The following PHACTR1 variants were observed in gnomAD, a reference collection of about 807,000 sequenced individuals.
PHACTR1 encodes the protein phosphatase and actin regulator 1, also known as RPEL repeat containing 1.
Under a neutral mutation model 69.2 loss-of-function variants are expected in PHACTR1, and 16 were observed. The observed-to-expected ratio is 0.23, with a 90% CI of 0.16 to 0.35. The LOEUF (loss-of-function observed/expected upper bound fraction) is 0.35. Ranked by LOEUF, PHACTR1 falls within the 10% of genes least tolerant of loss-of-function variation. PHACTR1 has a pLI of 1.00. For synonymous variants in PHACTR1, 312 were observed against 284.5 expected, an observed-to-expected ratio of 1.10 and a Z score of -0.97; for missense variants, 510 against 734.7, an observed-to-expected ratio of 0.69 and a Z score of 3.54.
At chr6:13,158,550 G>T (rs575009073) in intron 5 of PHACTR1, among the ~76,000 whole-genome samples, 1 of 152,326 alleles carries the variant, frequency 6.6e-6, no homozygotes, top group East Asian at 1.9e-4. Flanking sequence ...CAGAGAGGGA[G>T]CTAGAACGTA....
chr6:12,774,975 A>G (rs1370172755), intron 4 of PHACTR1, among the ~76,000 whole-genome samples: 1 of 152,120 alleles, frequency 6.6e-6, no homozygotes, highest in Non-Finnish European at 1.5e-5. Flanking sequence ...GAAACATTTT[A>G]TTTTCTTTCC....
intron 4 of PHACTR1, among the ~76,000 whole-genome samples, chr6:12,903,909 A>G (rs1294955631): frequency 1.3e-5 from 2 of 152,168 alleles, no homozygotes; most frequent in African/African-American, 4.8e-5. Context: ...TGATAATGCC[A>G]TATGTTTTAT....
chr6:13,246,640 A>G lies in PHACTR1; in HGVS notation c.1391+16447A>G, dbSNP rs143946633. Among the ~76,000 whole-genome samples the G allele has an allele frequency of 1.1e-4, 16 of 152,292 alleles. No homozygotes were observed. The East Asian group carries it at 2.9e-3, about 28-fold the overall frequency. ...TTCCAGTCTATAATTTCCATTGCAT[A>G]TAGTGCTCTTTCTCCCTCACCCACC... On this transcript the variant is annotated intron_variant, in intron 10 of 14. Transcript: ENST00000332995. The surrounding 1 kb of genome is among the most constrained non-coding windows in gnomAD (Gnocchi z 4.2).
chr6:12,959,376 TTTCTC>T (rs1792389187), intron 4 of PHACTR1, among the ~76,000 whole-genome samples: 3 of 152,098 alleles, frequency 2.0e-5, no homozygotes, highest in Non-Finnish European at 2.9e-5. Flanking sequence ...TTTTTAGTCT[TTTCTC>T]TACTGTGGCC....
At chr6:13,272,541 A>G (rs907340246) in intron 10 of PHACTR1, 2 of 519,960 alleles carry the variant, frequency 3.8e-6, no homozygotes, top group African/African-American at 3.9e-5. Flanking sequence ...AAGGAAAGAA[A>G]AGGACTTCTG....
At chr6:12,764,822 C>T (rs751865171) in intron 4 of PHACTR1, among the ~76,000 whole-genome samples, 4 of 151,578 alleles carry the variant, frequency 2.6e-5, no homozygotes, top group Non-Finnish European at 5.9e-5. Flanking sequence ...GTCTAGAGGT[C>T]ATGGATACAT....
At chr6:12,723,532 T>C (rs984606241) in intron 3 of PHACTR1, among the ~76,000 whole-genome samples, 1 of 148,500 alleles carries the variant, frequency 6.7e-6, no homozygotes, top group African/African-American at 2.5e-5. Flanking sequence ...TCTGGCTCTG[T>C]CATCTCAGGC....
At position 13,177,721 on chromosome 6, in the gene PHACTR1, A is replaced by G. The variant is rs141917308; in HGVS notation, c.497-4798A>G. 5.9e-5 allele frequency among the ~76,000 whole-genome samples: 9 copies of G among 152,340 alleles called. No homozygotes were observed. In the East Asian group the frequency reaches 1.7e-3, roughly 29 times the overall value. On this transcript the variant is annotated intron_variant, in intron 6 of 14. Coordinates refer to ENST00000332995, the MANE Select transcript of PHACTR1 (RefSeq NM_030948.6). ...CAAACCATTTTTTTAAGCCACTTGG[A>G]CAAGGTCCATTTGAGGTGTTTGCCT...
chr6:13,175,374 C>A (rs1459985148), intron 6 of PHACTR1, among the ~76,000 whole-genome samples: 2 of 152,148 alleles, frequency 1.3e-5, no homozygotes, highest in African/African-American at 4.8e-5. Context: ...AGGCATCATC[C>A]AACACAGTCC....
chr6:12,900,027 C>A (rs961748876), intron 4 of PHACTR1, among the ~76,000 whole-genome samples: 13 of 152,140 alleles, frequency 8.5e-5, no homozygotes, highest in African/African-American at 3.1e-4. Flanking sequence ...GTGGACCCTC[C>A]CTGAAGCACA....
intron 3 of PHACTR1, among the ~76,000 whole-genome samples, chr6:12,742,775 G>T (rs1561839432): frequency 6.6e-6 from 1 of 152,074 alleles, no homozygotes. Flanking sequence ...AGGGTCTCTG[G>T]TACTCAGGGT....
At chr6:12,822,537 G>C (rs1284379936) in intron 4 of PHACTR1, among the ~76,000 whole-genome samples, 2 of 152,170 alleles carry the variant, frequency 1.3e-5, no homozygotes, top group African/African-American at 4.8e-5. Flanking sequence ...ACCACAGCCG[G>C]GTCCTAAAAG....
intron 5 of PHACTR1, among the ~76,000 whole-genome samples, chr6:13,070,503 C>T (rs1809342615): frequency 6.6e-6 from 1 of 152,018 alleles, no homozygotes; most frequent in Admixed American, 6.6e-5. Context: ...GTAACTTGCC[C>T]AGGGTCACAG....
At chr6:12,781,246 G>A (rs941783736) in intron 4 of PHACTR1, among the ~76,000 whole-genome samples, 1 of 152,164 alleles carries the variant, frequency 6.6e-6, no homozygotes, top group Admixed American at 6.5e-5. Flanking sequence ...CTGGATCTGG[G>A]ATGATTCTGG....
intron 3 of PHACTR1, among the ~76,000 whole-genome samples, chr6:12,725,422 G>A (rs1374063308): frequency 2.6e-5 from 4 of 152,196 alleles, no homozygotes; most frequent in Non-Finnish European, 5.9e-5. Flanking sequence ...CCTCCCCTGT[G>A]AAGCTTTGCT....
intron 4 of PHACTR1, among the ~76,000 whole-genome samples, chr6:12,932,934 C>CTTT (rs35209150): frequency 4.0e-5 from 5 of 124,148 alleles, no homozygotes; most frequent in Admixed American, 8.3e-5. Flanking sequence ...TATTCCAAAT[C>CTTT]TTTTTTTTTT....
Position 13,007,550 on chromosome 6 carries a change from C to T in PHACTR1, c.251-45815C>T, listed in dbSNP as rs75079783. Among the ~76,000 whole-genome samples the T allele has an allele frequency of 7.4e-3, 1,118 of 152,048 alleles. 16 individuals carry two copies. The highest frequency in any genetic ancestry group is 0.026 in the African/African-American group (1,086 of 41,492). ...ATTAGCGATACAGGCTTTAGAAATG[C>T]TTAATGTTACAAGACTTTGCAGAAA... is the stretch of plus-strand genomic sequence containing the variant. On this transcript the variant is annotated intron_variant, in intron 4 of 14. Coordinates refer to ENST00000332995, the MANE Select transcript of PHACTR1 (RefSeq NM_030948.6).
At chr6:13,011,473 G>T (rs1460545708) in intron 4 of PHACTR1, among the ~76,000 whole-genome samples, 1 of 152,170 alleles carries the variant, frequency 6.6e-6, no homozygotes, top group African/African-American at 2.4e-5. Flanking sequence ...TGAACAAAGG[G>T]CCCCTACAGC....
At position 13,179,520 on chromosome 6, in the gene PHACTR1, A is replaced by C. The variant is rs1761888292; in HGVS notation, c.497-2999A>C. 1.3e-5 allele frequency among the ~76,000 whole-genome samples: 2 copies of C among 151,936 alleles called. No individual in the cohort carries two copies. The highest frequency in any genetic ancestry group is 2.4e-5 in the African/African-American group (1 of 41,324). ...ATTACTCCATCCTTAAATGAATCCA[A>C]GTAAAATAGTTTTTACTTTTATTGC... On this transcript the variant is annotated intron_variant, in intron 6 of 14. Coordinates refer to ENST00000332995, the MANE Select transcript of PHACTR1 (RefSeq NM_030948.6). This position sits in a 1 kb window ranked among gnomAD's most constrained non-coding sequence, Gnocchi z 4.2.
Sources: allele counts gnomAD v4.1 joint callset (sites outside exome capture counted in the v4.1 genomes callset), GRCh38; gene constraint gnomAD v4.1.1; non-coding constraint Gnocchi (gnomAD v3.1); transcripts MANE v1.5; gene names NCBI Gene and HGNC (gene_info 2026-07-23, HGNC 2026-07-21).